RNF150: variants seen among roughly 807,000 people sequenced by gnomAD.
The protein encoded by RNF150 is ring finger protein 150.
Under a neutral mutation model 39.3 loss-of-function variants are expected in RNF150, and 24 were observed. That is an observed-to-expected ratio of 0.61 (90% CI 0.44 to 0.86). The LOEUF (loss-of-function observed/expected upper bound fraction) is 0.86. Among genes scored for constraint, RNF150 ranks in the 40% least tolerant of loss-of-function variants. The pLI, the probability that RNF150 is intolerant of heterozygous loss-of-function variation, is 0.00. For missense variants in RNF150, 502 were observed against 587.8 expected (o/e 0.85, Z 1.51); for synonymous variants, 255 against 227.3 (o/e 1.12, Z -1.10).
intron 1 of RNF150, among the ~76,000 whole-genome samples, chr4:141,037,542 G>C (rs1398819739): frequency 1.3e-5 from 2 of 152,110 alleles, no homozygotes; most frequent in Non-Finnish European, 2.9e-5. Flanking sequence ...CCAAATTACT[G>C]TTAAGGCATT....
At chr4:140,899,504 C>G (rs967846257) in intron 6 of RNF150, among the ~76,000 whole-genome samples, 1 of 152,138 alleles carries the variant, frequency 6.6e-6, no homozygotes, top group East Asian at 1.9e-4. Context: ...TCTATCCAGT[C>G]ATTCTGGGTG....
intron 4 of RNF150, among the ~76,000 whole-genome samples, chr4:140,937,541 G>A (rs796568740): frequency 4.6e-5 from 7 of 152,178 alleles, no homozygotes; most frequent in Admixed American, 2.0e-4. Flanking sequence ...GATTTCAGGC[G>A]TGAGCCACCG....
intron 1 of RNF150, among the ~76,000 whole-genome samples, chr4:141,002,946 T>C (rs28445273): frequency 0.67 from 101,365 of 152,048 alleles, 35,078 homozygotes; most frequent in East Asian, 0.91. Context: ...TATTCACCAC[T>C]GTACAGCTAG....
intron 1 of RNF150, among the ~76,000 whole-genome samples, chr4:141,162,619 T>C (rs1307681374): frequency 6.6e-6 from 1 of 151,896 alleles, no homozygotes; most frequent in African/African-American, 2.4e-5. Context: ...CTCATCCCAT[T>C]GGGACTGGTT....
chr4:140,949,258 C>T, intron 3 of RNF150, 43 bp downstream of exon 3: 1 of 1,505,340 alleles, frequency 6.6e-7, no homozygotes, highest in Non-Finnish European at 9.1e-7. Flanking sequence ...TTAGAAGCTT[C>T]TTTGAATAGC....
intron 1 of RNF150, among the ~76,000 whole-genome samples, chr4:141,141,010 A>G (rs1452434803): frequency 6.6e-6 from 1 of 152,136 alleles, no homozygotes; most frequent in Admixed American, 6.5e-5. Flanking sequence ...ATGCTTTCCT[A>G]TTGGTACTAA....
intron 1 of RNF150, among the ~76,000 whole-genome samples, chr4:141,075,800 A>G (rs935906134): frequency 1.3e-5 from 2 of 152,146 alleles, no homozygotes; most frequent in Non-Finnish European, 2.9e-5. Flanking sequence ...CTAGCAGAAG[A>G]TAATTTTCTC....
intron 6 of RNF150, among the ~76,000 whole-genome samples, chr4:140,885,409 T>C (rs559680786): frequency 2.1e-5 from 3 of 143,060 alleles, no homozygotes; most frequent in African/African-American, 7.7e-5. Context: ...AAAGAGTACA[T>C]ATATTTTATA....
chr4:140,967,091 A>G (rs1733270074), intron 2 of RNF150, among the ~76,000 whole-genome samples: 1 of 152,150 alleles, frequency 6.6e-6, no homozygotes, highest in South Asian at 2.1e-4. Flanking sequence ...ATATATGGGC[A>G]TATGTGTTTA....
At chr4:141,198,780 A>C (rs1428823914) in intron 1 of RNF150, among the ~76,000 whole-genome samples, 2 of 152,226 alleles carry the variant, frequency 1.3e-5, no homozygotes, top group Non-Finnish European at 2.9e-5. Flanking sequence ...TCTGCCTTCA[A>C]AATAAATCTT....
chr4:141,122,252 T>A (rs1726627028), intron 1 of RNF150, among the ~76,000 whole-genome samples: 3 of 152,042 alleles, frequency 2.0e-5, no homozygotes, highest in Non-Finnish European at 4.4e-5. Flanking sequence ...GGAGGTGGAG[T>A]TTCACCATCA....
At chr4:141,029,374 G>A (rs1735839450) in intron 1 of RNF150, among the ~76,000 whole-genome samples, 1 of 152,076 alleles carries the variant, frequency 6.6e-6, no homozygotes, top group African/African-American at 2.4e-5. Context: ...ACAAACTCAG[G>A]ATTTGGCATA....
At chr4:141,086,159 T>TACCCCATGCTC (rs1738357908) in intron 1 of RNF150, among the ~76,000 whole-genome samples, 1 of 152,046 alleles carries the variant, frequency 6.6e-6, no homozygotes, top group African/African-American at 2.4e-5. Flanking sequence ...CCACCTTGCT[T>TACCCCATGCTC]ACCCCATGCT....
intron 1 of RNF150, among the ~76,000 whole-genome samples, chr4:141,102,547 A>G (rs866978374): frequency 3.9e-5 from 6 of 152,164 alleles, no homozygotes; most frequent in African/African-American, 1.4e-4. Context: ...TGGTTAGGAA[A>G]TTTCTACATA....
intron 2 of RNF150, among the ~76,000 whole-genome samples, chr4:140,959,194 G>A (rs147426426): frequency 2.8e-4 from 43 of 152,060 alleles, no homozygotes; most frequent in African/African-American, 8.4e-4. Flanking sequence ...ATTCTACTTC[G>A]CACCAAAACC....
chr4:141,078,890 CAT>C (rs201246568), intron 1 of RNF150, among the ~76,000 whole-genome samples: 1,505 of 143,442 alleles, frequency 0.01, 31 homozygotes, highest in African/African-American at 0.038. Flanking sequence ...TATACACATA[CAT>C]ATATATACAC....
chr4:141,019,996 T>G (rs1283885300), intron 1 of RNF150, among the ~76,000 whole-genome samples: 1 of 152,154 alleles, frequency 6.6e-6, no homozygotes, highest in African/African-American at 2.4e-5. Context: ...TCACCTCTAT[T>G]AACTCTTAGA....
rs1297827984 is a variant in RNF150, at chr4:140,863,990, G to T, written c.*4271C>A. On this transcript the variant is annotated 3_prime_UTR_variant, in exon 7 of 7. Transcript: ENST00000515673. ...TTGATTTGGTTTTGAGAGTATGGTA[G>T]CCTCAGGGATGTCAGGGCAGTAACT... 2.6e-5 allele frequency: 4 copies of T among 152,194 alleles called. No individual in the cohort carries two copies. Among genetic ancestry groups the T allele is most frequent in the Admixed American group, 6.5e-5 (1 of 15,282 alleles). The allele number at this position is 152,194 out of a possible 1,614,324, so 9.4% of individuals were successfully genotyped here. A position where few individuals can be genotyped will look rare whatever the true frequency, so the allele number is the denominator to read the frequency against.
chr4:140,870,451 C>T (rs1020453008), intron 6 of RNF150, among the ~76,000 whole-genome samples: 1 of 134,516 alleles, frequency 7.4e-6, no homozygotes, highest in African/African-American at 2.8e-5. Flanking sequence ...TCATTTTGTG[C>T]GTGTATGTGT....
Sources: allele counts gnomAD v4.1 joint callset (sites outside exome capture counted in the v4.1 genomes callset), GRCh38; gene constraint gnomAD v4.1.1; transcripts MANE v1.5; gene names NCBI Gene and HGNC (gene_info 2026-07-23, HGNC 2026-07-21).